Variants in SERPINA6 observed in about 807,000 individuals in gnomAD.
SERPINA6 encodes the protein serpin family A member 6, also known as corticosteroid-binding globulin.
In SERPINA6, 19 loss-of-function variants were observed where a neutral mutation model predicts 26.4. The observed-to-expected ratio is 0.72, with a 90% confidence interval of 0.50 to 1.06. SERPINA6 has a LOEUF of 1.06. SERPINA6 is among the 50% of genes least tolerant of loss of function. The probability of loss-of-function intolerance (pLI) is 0.00; values close to 1 mark genes in which losing one functional copy is unlikely to be tolerated. For synonymous variants in SERPINA6, 196 were observed against 199.4 expected (o/e 0.98, Z 0.14); for missense variants, 473 against 504.0 (o/e 0.94, Z 0.59).
intron 1 of SERPINA6, among the ~76,000 whole-genome samples, chr14:94,316,688 G>T (rs1292569843): frequency 6.6e-6 from 1 of 152,192 alleles, no homozygotes; most frequent in African/African-American, 2.4e-5. Flanking sequence ...GAAGAAATTG[G>T]CATATGAATC....
In SERPINA6 at chr14:94,323,260, T is replaced by C. The variant is rs1245973351; in HGVS notation, c.-20+7A>G. On this transcript the variant is annotated splice_region_variant and intron_variant, in intron 1 of 4. Coordinates refer to ENST00000341584, the MANE Select transcript of SERPINA6 (RefSeq NM_001756.4). Reference sequence around the variant, plus strand: ...GGAGGGACAGAGGGTTCTCAGGTGTTACTCACAGTCTGCGGTGGGCTCAGG... The same window carrying C: ...GGAGGGACAGAGGGTTCTCAGGTGTCACTCACAGTCTGCGGTGGGCTCAGG... The C allele has an allele frequency of 2.0e-5, 3 of 152,434 alleles. No individual in the cohort carries two copies. The highest frequency in any genetic ancestry group is 4.4e-5 in the Non-Finnish European group (3 of 68,216). The allele number at this position is 152,434 out of a possible 1,614,324, so 9.4% of individuals were successfully genotyped here.
chr14:94,308,751 G>A (rs1242240603), intron 3 of SERPINA6, among the ~76,000 whole-genome samples: 1 of 152,184 alleles, frequency 6.6e-6, no homozygotes, highest in African/African-American at 2.4e-5. Context: ...GCTCAGGGGT[G>A]CTTAGGGGGA....
intron 2 of SERPINA6, among the ~76,000 whole-genome samples, chr14:94,311,781 T>C (rs1229612204): frequency 6.6e-6 from 1 of 151,588 alleles, no homozygotes; most frequent in Non-Finnish European, 1.5e-5. Flanking sequence ...GTACTAAAAA[T>C]ACAAAAAAAT....
intron 2 of SERPINA6, among the ~76,000 whole-genome samples, chr14:94,311,237 C>G (rs1014908369): frequency 6.6e-6 from 1 of 152,114 alleles, no homozygotes; most frequent in Non-Finnish European, 1.5e-5. Context: ...TGTCTCACGG[C>G]AAATGAGATT....
At chr14:94,307,236 A>G (rs1296349052) in intron 3 of SERPINA6, among the ~76,000 whole-genome samples, 1 of 152,132 alleles carries the variant, frequency 6.6e-6, no homozygotes, top group Non-Finnish European at 1.5e-5. Context: ...TCTCTCACAC[A>G]TGCATGTGCA....
intron 1 of SERPINA6, among the ~76,000 whole-genome samples, chr14:94,322,408 G>A (rs1895695932): frequency 6.6e-6 from 1 of 152,184 alleles, no homozygotes; most frequent in Non-Finnish European, 1.5e-5. Context: ...TACTCGGGAG[G>A]CTGAGGCTGG....
At chr14:94,312,067 A>G (rs918276259) in intron 2 of SERPINA6, among the ~76,000 whole-genome samples, 3 of 152,240 alleles carry the variant, frequency 2.0e-5, no homozygotes, top group Non-Finnish European at 2.9e-5. Context: ...GCTTGCTAGA[A>G]ATATTTCAGA....
At position 94,309,723 on chromosome 14, in the gene SERPINA6, C is replaced by T; in HGVS notation, c.884+13G>A. The stretch of plus-strand genomic sequence containing the variant: ...TGCATTGCAGAAATCAACATGATGG[C>T]TGGAGGACTTACCTGCTGGTCAGGC... On this transcript the variant is annotated intron_variant, in intron 3 of 4. Transcript: ENST00000341584. 1 of 1,613,718 alleles carries T rather than the reference C, an allele frequency of 6.2e-7. No homozygotes were observed. Among genetic ancestry groups the T allele is most frequent in the Non-Finnish European group, 8.5e-7 (1 of 1,180,002 alleles).
At chr14:94,317,469 G>T (rs1895628298) in intron 1 of SERPINA6, among the ~76,000 whole-genome samples, 1 of 152,160 alleles carries the variant, frequency 6.6e-6, no homozygotes, top group Non-Finnish European at 1.5e-5. Flanking sequence ...GAGGAGCTTG[G>T]CCTCTCTCTC....
chr14:94,305,887 G>A (rs573231519), intron 4 of SERPINA6, among the ~76,000 whole-genome samples, 184 bp downstream of exon 4: 1 of 152,272 alleles, frequency 6.6e-6, no homozygotes, highest in South Asian at 2.1e-4. Context: ...TCTTGGGGAT[G>A]TCATGTTTTC....
rs1042394 is a variant in SERPINA6 at position 94,306,167 on chromosome 14, G to T, written c.936C>A (p.Leu312=). The T allele has an allele frequency of 2.5e-6, 4 of 1,613,988 alleles. No homozygotes were observed. Among genetic ancestry groups the T allele is most frequent in the Non-Finnish European group, 3.4e-6 (4 of 1,179,966 alleles). Residue 312 remains leucine (L), a synonymous_variant, in exon 4 of 5, where the codon CTC becomes CTA. Transcript: ENST00000341584. ...PKVTISGVYD[L]GDVLEEMGIA... ...TGCCCATTTCCTCCAGCACATCTCCGAGGTCATAGACTCCAGAGATGGTGA... is the reference window on the plus strand; with the variant it reads ...TGCCCATTTCCTCCAGCACATCTCCTAGGTCATAGACTCCAGAGATGGTGA...
In SERPINA6 at chr14:94,306,120, T is replaced by C. The variant is rs780628728; in HGVS notation, c.983A>G (p.Gln328Arg). The C allele has an allele frequency of 1.9e-6, 3 of 1,614,240 alleles. No homozygotes were observed. The highest frequency in any genetic ancestry group is 2.5e-6 in the Non-Finnish European group (3 of 1,180,034). The change falls in exon 4 of 5, where the codon CAG becomes CGG. Residue 328 changes from glutamine to arginine, a missense_variant. Coordinates refer to ENST00000341584, the MANE Select transcript of SERPINA6 (RefSeq NM_001756.4). ...EMGIADLFTN[Q>R]ANFSRITQDA... is the part of the protein sequence containing the mutation. ...CTGGGTGATGCGTGAGAAATTTGCC[T>C]GGTTGGTGAACAAGTCTGCAATGCC...
At chr14:94,321,370 G>C (rs1350653210) in intron 1 of SERPINA6, among the ~76,000 whole-genome samples, 3 of 152,134 alleles carry the variant, frequency 2.0e-5, no homozygotes, top group Non-Finnish European at 4.4e-5. Context: ...TAGCCCAGGG[G>C]GTCTTTGTGA....
intron 3 of SERPINA6, among the ~76,000 whole-genome samples, chr14:94,306,964 G>A (rs1895449934): frequency 6.6e-6 from 1 of 152,152 alleles, no homozygotes; most frequent in East Asian, 1.9e-4. Flanking sequence ...AACTCGCACC[G>A]GCTCTCTTGG....
intron 1 of SERPINA6, among the ~76,000 whole-genome samples, chr14:94,318,171 T>C (rs1384456057): frequency 2.6e-5 from 4 of 152,086 alleles, no homozygotes; most frequent in Non-Finnish European, 5.9e-5. Context: ...CTGAAGGCAA[T>C]TAAAGAGGAC....
Position 94,314,249 on chromosome 14 carries a change from C to T in SERPINA6, c.400G>A (p.Asp134Asn). ...EMTMGNALFL[D>N]GSLELLESFS... Reference sequence around the variant, plus strand: ...GACTCCAGCAACTCCAGGCTGCCATCAAGAAACAAGGCATTGCCCATGGTC... The same window carrying T: ...GACTCCAGCAACTCCAGGCTGCCATTAAGAAACAAGGCATTGCCCATGGTC... The change falls in exon 2 of 5, where the codon GAT becomes AAT. Residue 134 changes from aspartate (D) to asparagine (N), a missense_variant. Transcript: ENST00000341584. 6.2e-7 allele frequency: 1 copy of T among 1,614,188 alleles called. No individual in the cohort carries two copies. The highest frequency in any genetic ancestry group is 8.5e-7 in the Non-Finnish European group (1 of 1,180,020).
intron 1 of SERPINA6, among the ~76,000 whole-genome samples, chr14:94,321,303 G>A (rs1386398844): frequency 1.3e-5 from 2 of 152,066 alleles, no homozygotes; most frequent in African/African-American, 4.8e-5. Flanking sequence ...GATCGGTTCT[G>A]CTTTGAAGTT....
At chr14:94,314,760 GC>G in intron 1 of SERPINA6, 93 bp from the exon 2 acceptor site, 1 of 1,221,482 alleles carries the variant, frequency 8.2e-7, no homozygotes, top group Non-Finnish European at 1.2e-6. Flanking sequence ...CCCCATTCAA[GC>G]CCCAGTTCCT....
Position 94,309,866 on chromosome 14 carries a change from G to C in SERPINA6, c.754C>G (p.Leu252Val), listed in dbSNP as rs1192452192. Residue 252 changes from leucine (L) to valine (V), a missense_variant, in exon 3 of 5, where the codon CTG becomes GTG. Coordinates refer to ENST00000341584, the MANE Select transcript of SERPINA6 (RefSeq NM_001756.4). ...YLHDSELPCQ[L>V]VQMNYVGNGT... ...TTGCCCACGTAGTTCATCTGCACCA[G>C]CTGGCAGGGGAGCTCCGAGTCATGA... 1.9e-6 allele frequency: 3 copies of C among 1,614,128 alleles called. No homozygotes were observed. Among genetic ancestry groups the C allele is most frequent in the Admixed American group, 1.7e-5 (1 of 60,014 alleles).
Sources: gnomAD v4.1 joint callset for allele counts (sites outside exome capture counted in the v4.1 genomes callset) on GRCh38, gnomAD v4.1.1 for gene constraint, MANE v1.5 for transcripts, NCBI Gene and HGNC (gene_info 2026-07-23, HGNC 2026-07-21) for gene names.